Variants in CYRIB observed in about 807,000 individuals in gnomAD.
CYRIB encodes the protein CYFIP related Rac1 interactor B, also known as CYFIP-related Rac1 interactor B.
CYRIB carries 8 observed loss-of-function variants against 44.2 expected under a neutral mutation model. The observed-to-expected ratio is 0.18, with a 90% CI of 0.11 to 0.33. CYRIB has a LOEUF of 0.33. Among genes scored for constraint, CYRIB ranks in the 10% least tolerant of loss-of-function variants. The pLI is 1.00. For missense variants in CYRIB, 185 were observed against 382.8 expected (o/e 0.48, Z 4.31); for synonymous variants, 131 against 127.2 (o/e 1.03, Z -0.20).
intron 1 of CYRIB, among the ~76,000 whole-genome samples, chr8:130,001,653 C>T (rs1043103287): frequency 5.9e-5 from 9 of 151,366 alleles, no homozygotes; most frequent in Non-Finnish European, 1.0e-4. Flanking sequence ...CTCAGCCTCA[C>T]GAGTGGCTGG....
intron 1 of CYRIB, among the ~76,000 whole-genome samples, chr8:129,991,133 G>GAAAAAAAAAAA (rs35682865): frequency 1.5e-5 from 1 of 67,766 alleles, no homozygotes. Context: ...CTCTGTCTCA[G>GAAAAAAAAAAA]AAAAAAAAAA....
At chr8:129,938,420 T>A (rs1046724060) in intron 1 of CYRIB, among the ~76,000 whole-genome samples, 1 of 152,160 alleles carries the variant, frequency 6.6e-6, no homozygotes, top group East Asian at 1.9e-4. Flanking sequence ...CCGTAAGACT[T>A]AAAACACACA....
At chr8:129,980,919 G>A (rs2096209533) in intron 1 of CYRIB, among the ~76,000 whole-genome samples, 1 of 151,926 alleles carries the variant, frequency 6.6e-6, no homozygotes. Flanking sequence ...GAGGGGTGGA[G>A]GCTGCAGTGA....
rs573344261 is a variant in CYRIB, at chr8:129,958,514, T to C, written c.-243+12429A>G. ...TGTATTTTGAAGGCACAAGTTAACA[T>C]GGGCCCAAGGGAAGGAAGCATTGTA... On this transcript the variant is annotated intron_variant, in intron 2 of 14. Transcript: ENST00000401979. Among the ~76,000 whole-genome samples, 11 of 152,218 alleles carry C rather than the reference T, an allele frequency of 7.2e-5. No homozygotes were observed. The East Asian group carries it at 2.1e-3, about 29-fold the overall frequency.
At chr8:129,898,978 C>CT (rs1453101722) in intron 2 of CYRIB, among the ~76,000 whole-genome samples, 1 of 152,064 alleles carries the variant, frequency 6.6e-6, no homozygotes, top group Non-Finnish European at 1.5e-5. Flanking sequence ...ATTCTCGTGC[C>CT]TCACCCTCCC....
chr8:130,014,208 G>C (rs769817833), intron 1 of CYRIB, among the ~76,000 whole-genome samples: 8 of 152,190 alleles, frequency 5.3e-5, no homozygotes, highest in Non-Finnish European at 1.0e-4. Flanking sequence ...GGGAGGCTAA[G>C]GCAGCGAGGA....
In CYRIB at chr8:129,908,414, C is replaced by G. The variant is rs144661597; in HGVS notation, c.-49-5064G>C. Among the ~76,000 whole-genome samples, 70 of 152,176 alleles carry G rather than the reference C, an allele frequency of 4.6e-4. No individual in the cohort carries two copies. The South Asian group carries it at 0.01, about 22-fold the overall frequency. On this transcript the variant is annotated intron_variant, in intron 1 of 11. Transcript: ENST00000519824. The stretch of plus-strand genomic sequence containing the variant: ...TGGTTTAGAGAACTGGTTCTGAAAT[C>G]AGGCTTGGGTTGCATTTCCAATTAT...
At chr8:129,855,646 T>C (rs1564140961) in exon 6 of CYRIB, 1 of 1,614,102 alleles carries the variant, frequency 6.2e-7, no homozygotes. Flanking sequence ...AAATGAAGAA[T>C]TTCTGCAAAC....
chr8:129,959,059 C>CAAA lies in CYRIB; in HGVS notation c.-243+11881_-243+11883dup, dbSNP rs60576774. Among the ~76,000 whole-genome samples, 26 of 68,334 alleles carry CAAA rather than the reference C, an allele frequency of 3.8e-4. 1 individual carries two copies. The highest frequency in any genetic ancestry group is 4.8e-4 in the African/African-American group (10 of 20,622). 44.8% of individuals were successfully genotyped at this position (68,334 alleles called of 152,430 possible). A position where few individuals can be genotyped will look rare whatever the true frequency, so the allele number is the denominator to read the frequency against. Reference sequence around the variant, plus strand: ...AGCCTGGGCAACAGAGACTCTGTCTCAAAAAAAAAAAAAAAAAAAAAAAAA... The same window carrying CAAA: ...AGCCTGGGCAACAGAGACTCTGTCTCAAAAAAAAAAAAAAAAAAAAAAAAAAAA... On this transcript the variant is annotated intron_variant, in intron 2 of 14. Transcript: ENST00000401979.
chr8:129,956,594 G>A lies in CYRIB; in HGVS notation c.-243+14349C>T, dbSNP rs533654136. Among the ~76,000 whole-genome samples, 93 of 152,118 alleles carry A rather than the reference G, an allele frequency of 6.1e-4. 1 individual carries two copies. Among genetic ancestry groups the A allele is most frequent in the African/African-American group, 2.2e-3 (91 of 41,496 alleles). On this transcript the variant is annotated intron_variant, in intron 2 of 14. Coordinates refer to the CYRIB transcript ENST00000401979. ...GTTCCATGAATCATGCTCCCTGTAT[G>A]ACAGTAGTGGTTATATCACTTAGGG...
At chr8:129,858,892 AGCAAGTATG>A (rs1226241722) in intron 5 of CYRIB, among the ~76,000 whole-genome samples, 1 of 152,222 alleles carries the variant, frequency 6.6e-6, no homozygotes, top group Non-Finnish European at 1.5e-5. Context: ...GTACAGAACA[AGCAAGTATG>A]GCAAGTTTAC....
At chr8:129,981,271 C>T (rs1188366162) in intron 1 of CYRIB, among the ~76,000 whole-genome samples, 12 of 152,152 alleles carry the variant, frequency 7.9e-5, no homozygotes, top group Admixed American at 7.9e-4. Flanking sequence ...TTCAGAATGG[C>T]TGGAACTACA....
chr8:129,948,796 C>T (rs1210222331), intron 2 of CYRIB: 1 of 152,674 alleles, frequency 6.5e-6, no homozygotes, highest in Non-Finnish European at 1.5e-5. Context: ...GGTGTGGTGG[C>T]TCACGCCTGT....
chr8:130,002,583 T>G (rs1328922572), intron 1 of CYRIB, among the ~76,000 whole-genome samples: 1 of 152,218 alleles, frequency 6.6e-6, no homozygotes, highest in East Asian at 1.9e-4. Context: ...TATCTCCATA[T>G]TCTTATCTCC....
exon 7 of CYRIB, chr8:129,854,329 G>C (rs2131726678): frequency 6.2e-7 from 1 of 1,606,428 alleles, no homozygotes. Flanking sequence ...CATTCTGTAT[G>C]GCAGGATTTG....
intron 1 of CYRIB, among the ~76,000 whole-genome samples, chr8:129,927,133 A>T (rs1377156985): frequency 6.6e-6 from 1 of 151,870 alleles, no homozygotes; most frequent in Non-Finnish European, 1.5e-5. Flanking sequence ...AAATACACAC[A>T]CAAAAAAAAA....
In CYRIB at chr8:129,989,198, G is replaced by T. The variant is rs188343875; in HGVS notation, c.-295-18203C>A. Among the ~76,000 whole-genome samples, 436 of 152,094 alleles carry T rather than the reference G, an allele frequency of 2.9e-3. 1 individual carries two copies. The highest frequency in any genetic ancestry group is 4.9e-3 in the Non-Finnish European group (336 of 67,988). ...CGGCTCTTTGCACCACCTCTCAGTGGGTCTCTGGAAAATGGGGTCTCTGTG... is the reference window on the plus strand; with the variant it reads ...CGGCTCTTTGCACCACCTCTCAGTGTGTCTCTGGAAAATGGGGTCTCTGTG... On this transcript the variant is annotated intron_variant, in intron 1 of 14. Transcript: ENST00000401979.
upstream of CYRIB, among the ~76,000 whole-genome samples, chr8:129,943,911 T>TAA (rs545370945): frequency 5.4e-4 from 58 of 108,032 alleles, no homozygotes; most frequent in African/African-American, 1.9e-3. Flanking sequence ...GACTCCATCT[T>TAA]AAAAAAAAAA....
intron 1 of CYRIB, among the ~76,000 whole-genome samples, chr8:130,007,968 G>A (rs2097141896): frequency 6.6e-6 from 1 of 152,182 alleles, no homozygotes; most frequent in Non-Finnish European, 1.5e-5. Flanking sequence ...CAGCACTTTA[G>A]GAGGCCGAGG....
Sources: allele counts gnomAD v4.1 joint callset (sites outside exome capture counted in the v4.1 genomes callset), GRCh38; gene constraint gnomAD v4.1.1; transcripts MANE v1.5; gene names NCBI Gene and HGNC (gene_info 2026-07-23, HGNC 2026-07-21).